SHANK2: variants seen among roughly 807,000 people sequenced by gnomAD.
SHANK2 encodes the protein SH3 and multiple ankyrin repeat domains 2, also known as SH3 and multiple ankyrin repeat domains protein 2.
SHANK2 carries 43 observed loss-of-function variants against 133.7 expected under a neutral mutation model. That is an observed-to-expected ratio of 0.32 (90% CI 0.25 to 0.41). The LOEUF is 0.41. SHANK2 is among the 10% of genes least tolerant of loss of function. The pLI is 1.00. For missense variants in SHANK2, 1,994 were observed against 2,235.8 expected (o/e 0.89, Z 2.18); for synonymous variants, 1,017 against 952.8 (o/e 1.07, Z -1.24).
At chr11:71,235,400 C>A (rs563952283) in intron 1 of SHANK2, among the ~76,000 whole-genome samples, 1 of 152,154 alleles carries the variant, frequency 6.6e-6, no homozygotes, top group Admixed American at 6.5e-5. Flanking sequence ...TTGAGACCAG[C>A]CTGGCCAACA....
intron 2 of SHANK2, among the ~76,000 whole-genome samples, chr11:71,213,426 C>G (rs920405590): frequency 2.9e-4 from 44 of 152,324 alleles, no homozygotes; most frequent in African/African-American, 1.0e-3. Flanking sequence ...CACAGTTTCA[C>G]TTTACTCTTC....
intron 14 of SHANK2, among the ~76,000 whole-genome samples, chr11:70,747,601 G>A (rs1392585220): frequency 6.6e-6 from 1 of 152,132 alleles, no homozygotes; most frequent in African/African-American, 2.4e-5. Context: ...AGATAGCACT[G>A]TTTGGGTGGG....
intron 3 of SHANK2, among the ~76,000 whole-genome samples, chr11:71,131,273 CG>C (rs1565468845): frequency 6.6e-6 from 1 of 152,164 alleles, no homozygotes; most frequent in Non-Finnish European, 1.5e-5. Flanking sequence ...AACCCCGGCA[CG>C]GGTAACACAC....
intron 17 of SHANK2, among the ~76,000 whole-genome samples, chr11:70,519,022 A>T (rs1591529547): frequency 6.6e-6 from 1 of 151,874 alleles, no homozygotes; most frequent in Non-Finnish European, 1.5e-5. Context: ...CGATCCTCCC[A>T]CCTCAGCCTC....
intron 13 of SHANK2, among the ~76,000 whole-genome samples, chr11:70,799,544 C>T (rs782186923): frequency 3.3e-5 from 5 of 152,224 alleles, no homozygotes; most frequent in Non-Finnish European, 5.9e-5. Flanking sequence ...CAGCACCAGC[C>T]CCTTGGAGGC....
intron 14 of SHANK2, among the ~76,000 whole-genome samples, chr11:70,752,495 G>A (rs1304145142): frequency 6.6e-6 from 1 of 152,120 alleles, no homozygotes; most frequent in Non-Finnish European, 1.5e-5. Context: ...GAGGCAGACG[G>A]ATCACAAGGT....
chr11:70,630,705 T>A (rs557324), intron 17 of SHANK2, among the ~76,000 whole-genome samples: 3 of 151,834 alleles, frequency 2.0e-5, no homozygotes, highest in African/African-American at 4.8e-5. Flanking sequence ...ACACCTGGAC[T>A]CCCCAGAAGC....
At chr11:71,089,373 T>C (rs901851969) in intron 8 of SHANK2, among the ~76,000 whole-genome samples, 144,886 of 152,208 alleles carry the variant, frequency 0.95, 69,006 homozygotes, top group African/African-American at 0.96. Flanking sequence ...TGCCCAGAAA[T>C]ACAGAACACT....
At position 70,790,595 on chromosome 11, in the gene SHANK2, G is replaced by A. The variant is rs150396126; in HGVS notation, c.1777+7848C>T. Among the ~76,000 whole-genome samples the A allele has an allele frequency of 6.0e-3, 909 of 152,322 alleles. 5 individuals are homozygous for A. Among genetic ancestry groups the A allele is most frequent in the African/African-American group, 0.021 (871 of 41,556 alleles). ...TTGCAGCACCAGCTCCTGTCTGGGC[G>A]TTCCAGGCTGCTGGACTGCCCAGAG... On this transcript the variant is annotated intron_variant, in intron 14 of 25. Transcript: ENST00000601538.
intron 17 of SHANK2, among the ~76,000 whole-genome samples, chr11:70,513,893 G>A (rs576392302): frequency 4.0e-4 from 61 of 152,178 alleles, no homozygotes; most frequent in Admixed American, 3.6e-3. Flanking sequence ...TAACGTGAAC[G>A]AGAGTCTCAG....
chr11:70,527,237 C>T (rs1320039818), intron 17 of SHANK2, among the ~76,000 whole-genome samples: 2 of 152,208 alleles, frequency 1.3e-5, no homozygotes, highest in Admixed American at 6.5e-5. Context: ...TCCCTGTCCC[C>T]ACCCCCAGGA....
At chr11:71,163,550 G>C (rs1953071982) in intron 2 of SHANK2, among the ~76,000 whole-genome samples, 1 of 152,186 alleles carries the variant, frequency 6.6e-6, no homozygotes, top group Non-Finnish European at 1.5e-5. Context: ...AGTCCCAGGA[G>C]AATGTGATAG....
At chr11:70,870,816 GC>G (rs1565373228) in intron 11 of SHANK2, among the ~76,000 whole-genome samples, 1 of 151,998 alleles carries the variant, frequency 6.6e-6, no homozygotes, top group East Asian at 1.9e-4. Flanking sequence ...TTGCTGTGTC[GC>G]CCAGGCTGGA....
intron 8 of SHANK2, among the ~76,000 whole-genome samples, chr11:71,085,810 T>TATTA (rs1951390487): frequency 6.2e-5 from 3 of 48,304 alleles, no homozygotes; most frequent in African/African-American, 9.1e-5. Flanking sequence ...ACATAATATA[T>TATTA]TATGTTATAT....
intron 17 of SHANK2, among the ~76,000 whole-genome samples, chr11:70,637,545 C>T (rs1434940299): frequency 6.6e-6 from 1 of 152,088 alleles, no homozygotes; most frequent in Admixed American, 6.5e-5. Context: ...GGCAGCTCCT[C>T]AGACCTCCCC....
intron 9 of SHANK2, among the ~76,000 whole-genome samples, chr11:71,065,398 G>A (rs1365338565): frequency 7.0e-6 from 1 of 143,526 alleles, no homozygotes; most frequent in African/African-American, 2.6e-5. Flanking sequence ...CAGTGACTGG[G>A]GAAGTTGTGG....
At chr11:70,902,135 A>G (rs748340698) in intron 10 of SHANK2, among the ~76,000 whole-genome samples, 2 of 152,234 alleles carry the variant, frequency 1.3e-5, no homozygotes, top group Non-Finnish European at 2.9e-5. Flanking sequence ...GTGCCATGCC[A>G]CTGGACAGCA....
chr11:71,101,551 T>C (rs1211337804), intron 6 of SHANK2, among the ~76,000 whole-genome samples: 1 of 152,252 alleles, frequency 6.6e-6, no homozygotes, highest in African/African-American at 2.4e-5. Context: ...TCTCACCCTC[T>C]GCAGATGGAG....
chr11:70,614,861 C>A (rs1002117287), intron 17 of SHANK2, among the ~76,000 whole-genome samples: 1 of 152,214 alleles, frequency 6.6e-6, no homozygotes, highest in African/African-American at 2.4e-5. Context: ...CTTAACAACA[C>A]GGGAGTACTG....
Sources: gnomAD v4.1 joint callset for allele counts (sites outside exome capture counted in the v4.1 genomes callset) on GRCh38, gnomAD v4.1.1 for gene constraint, MANE v1.5 for transcripts, NCBI Gene and HGNC (gene_info 2026-07-23, HGNC 2026-07-21) for gene names.